GHR: variants seen among roughly 807,000 people sequenced by gnomAD.
The protein encoded by GHR is growth hormone receptor.
A neutral mutation model predicts 67.1 loss-of-function variants in GHR; 35 were observed. That is an observed-to-expected ratio of 0.52 (90% CI 0.40 to 0.69). The LOEUF is 0.69. Among genes scored for constraint, GHR ranks in the 30% least tolerant of loss-of-function variants. The pLI, the probability that GHR is intolerant of heterozygous loss-of-function variation, is 0.00. For synonymous variants in GHR, 272 were observed against 269.1 expected (o/e 1.01, Z -0.10); for missense variants, 792 against 764.6 (o/e 1.04, Z -0.42).
chr5:42,603,519 A>G (rs1752481785), intron 2 of GHR, among the ~76,000 whole-genome samples: 1 of 152,058 alleles, frequency 6.6e-6, no homozygotes, highest in Non-Finnish European at 1.5e-5. Flanking sequence ...CCCTTAAGCT[A>G]TCTTTACTTC....
chr5:42,523,851 TGTGA>T (rs1326726699), intron 1 of GHR, among the ~76,000 whole-genome samples: 1 of 152,166 alleles, frequency 6.6e-6, no homozygotes, highest in African/African-American at 2.4e-5. Flanking sequence ...TTCTCATGAT[TGTGA>T]GTAAGTCTCA....
In GHR at chr5:42,443,958, G is replaced by T. The variant is rs865783512; in HGVS notation, c.-12+20003G>T. 2.3e-3 allele frequency among the ~76,000 whole-genome samples: 339 copies of T among 148,170 alleles called. 1 individual carries two copies. The highest frequency in any genetic ancestry group is 8.2e-3 in the African/African-American group (326 of 39,668). ...CCAAGGTGATATAGATATAGATATA[G>T]ATAGATATAGATATAGATATAGATA... On this transcript the variant is annotated intron_variant, in intron 1 of 9. Transcript: ENST00000230882.
chr5:42,708,161 T>A (rs1758273037), intron 6 of GHR, among the ~76,000 whole-genome samples: 1 of 152,148 alleles, frequency 6.6e-6, no homozygotes. Flanking sequence ...TCCACTAACC[T>A]GTAAGAATTT....
intron 1 of GHR, among the ~76,000 whole-genome samples, chr5:42,427,449 C>A (rs1205807833): frequency 6.6e-6 from 1 of 152,176 alleles, no homozygotes; most frequent in Non-Finnish European, 1.5e-5. Context: ...ATGGGAAAAA[C>A]CCACTTCCAT....
intron 2 of GHR, among the ~76,000 whole-genome samples, chr5:42,577,530 T>C (rs1173779703): frequency 6.6e-6 from 1 of 152,230 alleles, no homozygotes; most frequent in Non-Finnish European, 1.5e-5. Context: ...TCATGCTTAC[T>C]TCCCCACATT....
chr5:42,538,714 A>G (rs1748373252), intron 1 of GHR, among the ~76,000 whole-genome samples: 1 of 152,102 alleles, frequency 6.6e-6, no homozygotes, highest in Non-Finnish European at 1.5e-5. Flanking sequence ...ATATTTAGAT[A>G]TCTAGGTCTC....
chr5:42,564,330 G>T lies in GHR; in HGVS notation c.-11-1534G>T, dbSNP rs528764386. Among the ~76,000 whole-genome samples the T allele has an allele frequency of 3.3e-5, 5 of 149,416 alleles. No individual in the cohort carries two copies. In the East Asian group the frequency reaches 1.0e-3, roughly 30 times the overall value. ...ATTTATTTGAAATCTCACAATGTGTGAGATTTATTTGAAATCTCACAATGT... is the reference window on the plus strand; with the variant it reads ...ATTTATTTGAAATCTCACAATGTGTTAGATTTATTTGAAATCTCACAATGT... On this transcript the variant is annotated intron_variant, in intron 1 of 9. Transcript: ENST00000230882.
chr5:42,493,374 C>G (rs1024787821), intron 1 of GHR, among the ~76,000 whole-genome samples: 7 of 152,040 alleles, frequency 4.6e-5, no homozygotes, highest in Non-Finnish European at 1.0e-4. Flanking sequence ...AAAATACTGC[C>G]TAAGTATTTA....
intron 3 of GHR, among the ~76,000 whole-genome samples, chr5:42,683,777 G>A (rs145923793): frequency 3.9e-4 from 59 of 152,274 alleles, no homozygotes; most frequent in African/African-American, 1.3e-3. Flanking sequence ...CATCTGTATC[G>A]GAGTTCCATG....
chr5:42,587,857 T>TACTCC (rs1751564315), intron 2 of GHR, among the ~76,000 whole-genome samples: 2 of 152,100 alleles, frequency 1.3e-5, no homozygotes. Flanking sequence ...CCCATGCTAC[T>TACTCC]ACTCCACTCC....
chr5:42,555,491 A>C lies in GHR; in HGVS notation c.-11-10373A>C, dbSNP rs1040065715. Among the ~76,000 whole-genome samples the C allele has an allele frequency of 2.4e-4, 37 of 152,154 alleles. 1 individual carries two copies. Among genetic ancestry groups the C allele is most frequent in the African/African-American group, 8.9e-4 (37 of 41,438 alleles). On this transcript the variant is annotated intron_variant, in intron 1 of 9. Transcript: ENST00000230882. Reference sequence around the variant, plus strand: ...TAGTTTGCCTAGTTCACAATTGAAGAAGCATGGGAAAGTAAAGGCAGGCCT... The same window carrying C: ...TAGTTTGCCTAGTTCACAATTGAAGCAGCATGGGAAAGTAAAGGCAGGCCT...
chr5:42,624,667 CTTAAT>C (rs1345498278), intron 2 of GHR, among the ~76,000 whole-genome samples: 17 of 152,212 alleles, frequency 1.1e-4, no homozygotes, highest in Non-Finnish European at 1.9e-4. Context: ...TTTTGATTAA[CTTAAT>C]TTTTTTCTTC....
intron 2 of GHR, among the ~76,000 whole-genome samples, chr5:42,573,884 A>G (rs935209081): frequency 6.6e-6 from 1 of 152,170 alleles, no homozygotes; most frequent in Non-Finnish European, 1.5e-5. Flanking sequence ...AAACCTTCCA[A>G]ATTTGTGGAA....
chr5:42,632,882 A>T (rs1753998532), intron 3 of GHR, among the ~76,000 whole-genome samples: 1 of 152,218 alleles, frequency 6.6e-6, no homozygotes, highest in Admixed American at 6.5e-5. Context: ...AAACTTCTTT[A>T]TATTTCTGGG....
chr5:42,630,265 T>C lies in GHR; in HGVS notation c.136+1162T>C, dbSNP rs1753875247. On this transcript the variant is annotated intron_variant, in intron 3 of 9. Transcript: ENST00000230882. ...AAATCCCTTACATCTCCTAAAAAAA[T>C]TCTGATCCATAGTAGTAGGTACTTG... Among the ~76,000 whole-genome samples the C allele has an allele frequency of 1.5e-5, 2 of 132,204 alleles. 1 individual carries two copies. Among genetic ancestry groups the C allele is most frequent in the Non-Finnish European group, 3.2e-5 (2 of 62,500 alleles). The allele number at this position is 132,204 out of a possible 152,430, so 86.7% of individuals were successfully genotyped here.
intron 1 of GHR, among the ~76,000 whole-genome samples, chr5:42,519,843 CAT>C (rs1747398180): frequency 6.6e-6 from 1 of 152,122 alleles, no homozygotes; most frequent in Non-Finnish European, 1.5e-5. Flanking sequence ...GGGTATGACA[CAT>C]GTAGTAAAAA....
At chr5:42,699,764 G>A (rs1408070765) in intron 5 of GHR, 60 bp from the exon 6 acceptor site, 3 of 1,029,842 alleles carry the variant, frequency 2.9e-6, no homozygotes, top group Admixed American at 3.4e-5. Flanking sequence ...TGAGAAGAAT[G>A]CCTTCCATTA....
chr5:42,653,022 A>T (rs1446084661), intron 3 of GHR, among the ~76,000 whole-genome samples: 1 of 152,112 alleles, frequency 6.6e-6, no homozygotes, highest in East Asian at 1.9e-4. Flanking sequence ...TTACAAAAGG[A>T]TTACGATCAA....
chr5:42,515,525 T>G (rs1747198784), intron 1 of GHR, among the ~76,000 whole-genome samples: 1 of 152,228 alleles, frequency 6.6e-6, no homozygotes, highest in Non-Finnish European at 1.5e-5. Context: ...AGAGTAATGG[T>G]CGACACAGGC....
Sources: gnomAD v4.1 joint callset for allele counts (sites outside exome capture counted in the v4.1 genomes callset) on GRCh38, gnomAD v4.1.1 for gene constraint, MANE v1.5 for transcripts, NCBI Gene and HGNC (gene_info 2026-07-23, HGNC 2026-07-21) for gene names.